The following POLE variants were observed in gnomAD, a reference collection of about 807,000 sequenced individuals.
POLE encodes DNA polymerase epsilon, catalytic subunit, also known as DNA polymerase epsilon catalytic subunit A.
In POLE, 188 loss-of-function variants were observed where a neutral mutation model predicts 279.2. The observed-to-expected ratio is 0.67, with a 90% CI of 0.60 to 0.76. The LOEUF is 0.76. Ranked by LOEUF, POLE falls within the 30% of genes least tolerant of loss-of-function variation. POLE has a pLI of 0.00. For missense variants in POLE, 2,703 were observed against 3,016.7 expected (o/e 0.90, Z 2.44); for synonymous variants, 1,214 against 1,172.5 (o/e 1.04, Z -0.72).
At chr12:132,674,404 AT>A (rs2042997411) in intron 12 of POLE, among the ~76,000 whole-genome samples, 1 of 151,606 alleles carries the variant, frequency 6.6e-6, no homozygotes, top group Non-Finnish European at 1.5e-5. Flanking sequence ...GTGAGTCCCA[AT>A]CTACAGTGCG....
intron 32 of POLE, 50 bp from the exon 33 acceptor site, chr12:132,644,027 CTG>C (rs1565940810): frequency 6.3e-7 from 1 of 1,584,622 alleles, no homozygotes; most frequent in Non-Finnish European, 8.6e-7. Context: ...GTGGTAATGT[CTG>C]TGGTACACAC....
chr12:132,664,361 T>C lies in POLE; in HGVS notation c.2561+9A>G, dbSNP rs752560401. On this transcript the variant is annotated intron_variant, in intron 22 of 48. Coordinates refer to ENST00000320574, the MANE Select transcript of POLE (RefSeq NM_006231.4). The surrounding 1 kb of genome is among the most constrained non-coding windows in gnomAD (Gnocchi z 5.3). Reference sequence around the variant, plus strand: ...GCTCCCAGCCCCACGGCTCCCCTTCTGCACTCACCCAATCTGCTCGATCAG... The same window carrying C: ...GCTCCCAGCCCCACGGCTCCCCTTCCGCACTCACCCAATCTGCTCGATCAG... 3 of 1,612,472 alleles carry C rather than the reference T, an allele frequency of 1.9e-6. No homozygotes were observed. The highest frequency in any genetic ancestry group is 2.2e-5 in the East Asian group (1 of 44,866).
intron 45 of POLE, among the ~76,000 whole-genome samples, chr12:132,627,939 T>A (rs2041867487): frequency 6.6e-6 from 1 of 152,042 alleles, no homozygotes; most frequent in African/African-American, 2.4e-5. Flanking sequence ...CAGTAGAACT[T>A]CTTTCAAAAT....
At chr12:132,659,159 C>A in intron 26 of POLE, 136 bp downstream of exon 26, 1 of 856,854 alleles carries the variant, frequency 1.2e-6, no homozygotes, top group South Asian at 1.8e-5. Context: ...TGTAAGGAAC[C>A]CCTTACCTCT....
chr12:132,636,442 A>G (rs879402009), intron 41 of POLE, among the ~76,000 whole-genome samples: 1 of 37,856 alleles, frequency 2.6e-5, no homozygotes, highest in Non-Finnish European at 4.1e-5. Context: ...CCATTTAAGG[A>G]AAAAAAAAAA....
At position 132,660,955 on chromosome 12, in the gene POLE, G is replaced by C; in HGVS notation, c.3060+14C>G. 1 of 1,583,024 alleles carries C rather than the reference G, an allele frequency of 6.3e-7. No homozygotes were observed. ...ATCCCTCAGAGCAGGTGAGGGTGGA[G>C]GGTAGGCCTTTACCTTGCTGTACAG... On this transcript the variant is annotated intron_variant, in intron 25 of 48. Coordinates refer to ENST00000320574, the MANE Select transcript of POLE (RefSeq NM_006231.4).
chr12:132,626,341 G>C (rs201573387), intron 45 of POLE, 24 bp from the exon 46 acceptor site: 1 of 1,611,370 alleles, frequency 6.2e-7, no homozygotes, highest in South Asian at 1.1e-5. Context: ...AGCCCACATC[G>C]GGAAGGAGCT....
chr12:132,679,823 T>A lies in POLE; in HGVS notation c.423+131A>T, dbSNP rs2043130207. 7 of 993,842 alleles carry A rather than the reference T, an allele frequency of 7.0e-6. 1 individual carries two copies. In the South Asian group the frequency reaches 1.1e-4, roughly 16 times the overall value. The allele number at this position is 993,842 out of a possible 1,614,324, so 61.6% of individuals were successfully genotyped here. On this transcript the variant is annotated intron_variant, in intron 5 of 48. Transcript: ENST00000320574. ...ACCACTAGAGCTCTTTGGAAGGAATTTTATAGACGGTCACCACACCGCCCC... is the reference window on the plus strand; with the variant it reads ...ACCACTAGAGCTCTTTGGAAGGAATATTATAGACGGTCACCACACCGCCCC...
In POLE at chr12:132,676,164, A is replaced by G. The variant is rs1060500783; in HGVS notation, c.950T>C (p.Ile317Thr). ...ITNREIVSED[I>T]EDFEFTPKPE... is the part of the protein sequence containing the mutation. ...CTTGGGGGTGAACTCAAAATCTTCA[A>G]TATCTTCTGAAACAATCTCCCTGTT... is the stretch of plus-strand genomic sequence containing the variant. The change falls in exon 10 of 49, where the codon ATT (isoleucine) becomes ACT (threonine). Residue 317 changes from isoleucine to threonine, a missense_variant. Around this residue, in one of 5 missense-constraint regions of POLE, gnomAD observed 1,011 missense variants for 1,111.7 expected, o/e 0.91. Transcript: ENST00000320574. The G allele has an allele frequency of 4.3e-6, 7 of 1,613,190 alleles. No homozygotes were observed. The highest frequency in any genetic ancestry group is 2.2e-5 in the East Asian group (1 of 44,870).
At chr12:132,662,042 G>A (rs934043013) in intron 23 of POLE, among the ~76,000 whole-genome samples, 4 of 152,178 alleles carry the variant, frequency 2.6e-5, no homozygotes, top group Non-Finnish European at 4.4e-5. Flanking sequence ...GTGTTGCTTC[G>A]TGGTGCTGGA....
chr12:132,685,237 C>A (rs530203945), intron 1 of POLE, among the ~76,000 whole-genome samples: 1 of 150,288 alleles, frequency 6.7e-6, no homozygotes, highest in Non-Finnish European at 1.5e-5. Flanking sequence ...TCACACCGTC[C>A]CAGTACTACA....
At chr12:132,666,754 T>C (rs1363850109) in intron 20 of POLE, among the ~76,000 whole-genome samples, 1 of 152,168 alleles carries the variant, frequency 6.6e-6, no homozygotes, top group Non-Finnish European at 1.5e-5. Flanking sequence ...GATAAGAGTT[T>C]CCGTTTCAGA....
At position 132,661,144 on chromosome 12, in the gene POLE, T is replaced by C. The variant is rs781702191; in HGVS notation, c.2885A>G (p.Asp962Gly). ...GCCCTTGAGCTCAGCCAGAGAACCG[T>C]CTTCATTGAACACAGCATACCTGAA... Reference protein sequence around the residue: ...LKKRYAVFNEDGSLAELKGFE... With the variant: ...LKKRYAVFNEGGSLAELKGFE... Residue 962 changes from aspartate to glycine, a missense_variant, in exon 25 of 49, where the codon GAC becomes GGC. Around this residue, in one of 5 missense-constraint regions of POLE, gnomAD observed 101 missense variants for 115.4 expected, o/e 0.87. Transcript: ENST00000320574. This position sits in a 1 kb window ranked among gnomAD's most constrained non-coding sequence, Gnocchi z 4.1. The C allele has an allele frequency of 1.9e-6, 3 of 1,609,936 alleles. No homozygotes were observed. The highest frequency in any genetic ancestry group is 1.1e-5 in the South Asian group (1 of 90,744).
At position 132,661,805 on chromosome 12, in the gene POLE, C is replaced by T. The variant is rs1023373360; in HGVS notation, c.2707-121G>A. On this transcript the variant is annotated intron_variant, in intron 23 of 48. Coordinates refer to ENST00000320574, the MANE Select transcript of POLE (RefSeq NM_006231.4). The surrounding 1 kb of genome is among the most constrained non-coding windows in gnomAD (Gnocchi z 4.1). Reference sequence around the variant, plus strand: ...CCGAGGCTTTTCCACATAACTAACACGACTTGGCAGCAGGAAGGAAGGAAG... The same window carrying T: ...CCGAGGCTTTTCCACATAACTAACATGACTTGGCAGCAGGAAGGAAGGAAG... 3.0e-5 allele frequency: 28 copies of T among 944,440 alleles called. No homozygotes were observed. Among genetic ancestry groups the T allele is most frequent in the East Asian group, 2.5e-4 (10 of 40,640 alleles). The allele number at this position is 944,440 out of a possible 1,614,324, so 58.5% of individuals were successfully genotyped here.
At chr12:132,645,591 T>C (rs962460980) in intron 32 of POLE, among the ~76,000 whole-genome samples, 2 of 152,190 alleles carry the variant, frequency 1.3e-5, no homozygotes, top group African/African-American at 4.8e-5. Context: ...GTGTTGGTTG[T>C]TGCTAAAACA....
At position 132,672,274 on chromosome 12, in the gene POLE, G is replaced by A. The variant is rs116260568; in HGVS notation, c.1735C>T (p.Arg579Cys). 72 of 1,614,154 alleles carry A rather than the reference G, an allele frequency of 4.5e-5. No homozygotes were observed. The highest frequency in any genetic ancestry group is 2.9e-4 in the East Asian group (13 of 44,896). Residue 579 changes from arginine to cysteine, a missense_variant, in exon 16 of 49, where the codon CGC (arginine) becomes TGC (cysteine). Coordinates refer to ENST00000320574, the MANE Select transcript of POLE (RefSeq NM_006231.4). Reference sequence around the variant, plus strand: ...TTCTCCTCTTCCTCAAGGGCGTGGCGCAAGGTCTTCTCAACCCGCTGCAGC... The same window carrying A: ...TTCTCCTCTTCCTCAAGGGCGTGGCACAAGGTCTTCTCAACCCGCTGCAGC... ...FLLQRVEKTLRHALEEEEKVP... is the reference protein window; with the variant it reads ...FLLQRVEKTLCHALEEEEKVP...
At chr12:132,631,567 G>A (rs1447648100) in intron 45 of POLE, among the ~76,000 whole-genome samples, 1 of 152,164 alleles carries the variant, frequency 6.6e-6, no homozygotes, top group Non-Finnish European at 1.5e-5. Context: ...GATGCAGTTT[G>A]CTGGGAAGGC....
intron 25 of POLE, 36 bp from the exon 26 acceptor site, chr12:132,659,545 CA>C: frequency 1.3e-6 from 2 of 1,573,768 alleles, no homozygotes; most frequent in Non-Finnish European, 1.7e-6. Flanking sequence ...CTGCAGAAAT[CA>C]AGGGGCAGAG....
At chr12:132,646,451 CTG>C (rs1257273339) in intron 32 of POLE, among the ~76,000 whole-genome samples, 1 of 151,280 alleles carries the variant, frequency 6.6e-6, no homozygotes, top group African/African-American at 2.4e-5. Flanking sequence ...TTCCTGGAAA[CTG>C]TGATGGTTAA....
Sources: gnomAD v4.1 joint callset for allele counts (sites outside exome capture counted in the v4.1 genomes callset) on GRCh38, gnomAD v4.1.1 for gene constraint, gnomAD v4.1.1 regional missense constraint, Gnocchi (gnomAD v3.1) non-coding constraint, MANE v1.5 for transcripts, NCBI Gene and HGNC (gene_info 2026-07-23, HGNC 2026-07-21) for gene names.